LRCH3: variants seen among roughly 807,000 people sequenced by gnomAD.
LRCH3 encodes leucine rich repeats and calponin homology domain containing 3.
In LRCH3, 68 loss-of-function variants were observed where a neutral mutation model predicts 104.5. The observed-to-expected ratio is 0.65, with a 90% CI of 0.54 to 0.80. LRCH3 has a LOEUF of 0.80. LRCH3 is among the 30% of genes least tolerant of loss of function. LRCH3 has a pLI of 0.00. For synonymous variants in LRCH3, 344 were observed against 361.3 expected (o/e 0.95, Z 0.54); for missense variants, 951 against 953.9 (o/e 1.00, Z 0.04).
intron 15 of LRCH3, 86 bp downstream of exon 15, chr3:197,858,991 A>G (rs1050338192): frequency 1.2e-5 from 11 of 917,080 alleles, no homozygotes; most frequent in African/African-American, 4.9e-5. Flanking sequence ...TGATCTAACA[A>G]TCTGAAATAT....
At chr3:197,878,582 C>G (rs903796190) in intron 20 of LRCH3, among the ~76,000 whole-genome samples, 4 of 152,196 alleles carry the variant, frequency 2.6e-5, no homozygotes, top group Non-Finnish European at 5.9e-5. Context: ...GCTGCCCCTT[C>G]CTTCTCCCCT....
chr3:197,823,790 C>T (rs76149080), intron 4 of LRCH3, among the ~76,000 whole-genome samples: 68 of 152,180 alleles, frequency 4.5e-4, no homozygotes, highest in African/African-American at 1.5e-3. Flanking sequence ...AGACTGCTGA[C>T]ATATTTCTAA....
At chr3:197,864,610 CAAA>C (rs541948003) in intron 15 of LRCH3, among the ~76,000 whole-genome samples, 1 of 95,762 alleles carries the variant, frequency 1.0e-5, no homozygotes, top group African/African-American at 4.0e-5. Flanking sequence ...AACTCCATCT[CAAA>C]AAAAAAAAAA....
At chr3:197,803,053 G>C (rs1205993274) in intron 1 of LRCH3, among the ~76,000 whole-genome samples, 1 of 152,124 alleles carries the variant, frequency 6.6e-6, no homozygotes, top group African/African-American at 2.4e-5. Context: ...GCTAAGAGTT[G>C]TTTTCTCAAA....
intron 20 of LRCH3, chr3:197,880,684 T>C: frequency 6.5e-7 from 1 of 1,536,804 alleles, no homozygotes; most frequent in Non-Finnish European, 8.7e-7. Flanking sequence ...ACTCTCTGTG[T>C]GCTTTATTAC....
rs1714104722 is a variant in LRCH3 at position 197,885,230 on chromosome 3, G to A, written c.*1564G>A. On this transcript the variant is annotated 3_prime_UTR_variant, in exon 21 of 21. Transcript: ENST00000425562. ...GGCCTGCAGACACATTGCAGTTACA[G>A]CACATACACTTCTAGCTCGGAAAAG... 6.6e-6 allele frequency: 1 copy of A among 152,232 alleles called. No homozygotes were observed. The highest frequency in any genetic ancestry group is 2.4e-5 in the African/African-American group (1 of 41,448). 9.4% of individuals were successfully genotyped at this position (152,232 alleles called of 1,614,324 possible). A position where few individuals can be genotyped will look rare whatever the true frequency, so the allele number is the denominator to read the frequency against.
At chr3:197,841,836 G>GTT (rs1737841171) in intron 10 of LRCH3, among the ~76,000 whole-genome samples, 1 of 151,724 alleles carries the variant, frequency 6.6e-6, no homozygotes, top group Non-Finnish European at 1.5e-5. Context: ...GTTTTGTTTT[G>GTT]TTTTGTTTTG....
chr3:197,871,605 C>T, intron 19 of LRCH3, 143 bp downstream of exon 19: 1 of 1,117,784 alleles, frequency 8.9e-7, no homozygotes, highest in Non-Finnish European at 1.3e-6. Flanking sequence ...CTCACTTCTA[C>T]TCGAGAAGAA....
chr3:197,853,509 G>A (rs1416923213), intron 13 of LRCH3, among the ~76,000 whole-genome samples: 2 of 152,042 alleles, frequency 1.3e-5, no homozygotes, highest in Non-Finnish European at 2.9e-5. Context: ...TTTAATTTAT[G>A]ATCATTACCT....
intron 20 of LRCH3, among the ~76,000 whole-genome samples, chr3:197,880,020 A>G (rs9758427): frequency 6.8e-5 from 10 of 146,736 alleles, no homozygotes; most frequent in South Asian, 2.1e-4. Context: ...ATCTCGGCTC[A>G]CTGCAAGCTC....
chr3:197,872,939 G>T (rs552449887), intron 19 of LRCH3, among the ~76,000 whole-genome samples: 34 of 152,292 alleles, frequency 2.2e-4, no homozygotes, highest in African/African-American at 8.2e-4. Flanking sequence ...TAACAAGCCG[G>T]GACTAAAGCC....
intron 1 of LRCH3, among the ~76,000 whole-genome samples, chr3:197,797,859 CAAAAAAAAA>C (rs749696923): frequency 2.6e-4 from 6 of 23,204 alleles, no homozygotes; most frequent in African/African-American, 4.9e-4. Context: ...GACTCCATCT[CAAAAAAAAA>C]AAAAACAAAA....
In LRCH3 at chr3:197,847,383, T is replaced by C. The variant is rs73892123; in HGVS notation, c.1329-26T>C. On this transcript the variant is annotated intron_variant, in intron 10 of 20. Coordinates refer to ENST00000425562, the MANE Select transcript of LRCH3 (RefSeq NM_001365715.1). ...TTGTCTTTTTATCAAAGAGTTTTTT[T>C]CTTTCTTTTTTCTTTTTTGGGTCAG... 1.4e-3 allele frequency: 2,210 copies of C among 1,566,442 alleles called. 13 individuals carry two copies. The highest frequency in any genetic ancestry group is 0.012 in the African/African-American group (843 of 71,906).
chr3:197,824,851 T>G (rs959375668), intron 4 of LRCH3, among the ~76,000 whole-genome samples: 5 of 151,906 alleles, frequency 3.3e-5, no homozygotes, highest in Admixed American at 6.6e-5. Flanking sequence ...ATTACAGGCG[T>G]GAGCCACTGC....
At chr3:197,869,031 A>G (rs1157927177) in intron 17 of LRCH3, among the ~76,000 whole-genome samples, 1 of 152,256 alleles carries the variant, frequency 6.6e-6, no homozygotes, top group African/African-American at 2.4e-5. Flanking sequence ...CAACTGGGTA[A>G]TGAACATTAC....
chr3:197,791,288 G>A lies in LRCH3; in HGVS notation c.10G>A (p.Ala4Thr), dbSNP rs1255273525. MAA[A>T]GLVAVAAAAE... ...TGTTGTCGGCTGGGAAATGGCGGCCGCGGGCTTGGTCGCTGTGGCAGCGGC... is the reference window on the plus strand; with the variant it reads ...TGTTGTCGGCTGGGAAATGGCGGCCACGGGCTTGGTCGCTGTGGCAGCGGC... Residue 4 changes from alanine (A) to threonine (T), a missense_variant, in exon 1 of 21, where the codon GCG becomes ACG. Ala to Thr is a moderately conservative substitution (Grantham distance 58). Transcript: ENST00000425562. 7.5e-6 allele frequency: 12 copies of A among 1,607,994 alleles called. No individual in the cohort carries two copies. The highest frequency in any genetic ancestry group is 1.3e-5 in the African/African-American group (1 of 74,528).
chr3:197,836,246 A>G (rs1359116784), intron 9 of LRCH3, among the ~76,000 whole-genome samples: 2 of 152,256 alleles, frequency 1.3e-5, no homozygotes, highest in African/African-American at 4.8e-5. Flanking sequence ...AGACTTAACC[A>G]TAGAATTTTT....
Position 197,791,546 on chromosome 3 carries a change from C to G in LRCH3, c.262+6C>G. ...GACGGACACCACCCGGGCGGGTGAG[C>G]GGGGCGGGGGGCGTCTCTGCCCGTC... On this transcript the variant is annotated splice_donor_region_variant and intron_variant, in intron 1 of 20. Coordinates refer to ENST00000425562, the MANE Select transcript of LRCH3 (RefSeq NM_001365715.1). The G allele has an allele frequency of 6.4e-7, 1 of 1,562,098 alleles. No homozygotes were observed. Among genetic ancestry groups the G allele is most frequent in the South Asian group, 1.2e-5 (1 of 85,362 alleles).
At chr3:197,791,964 G>A (rs1045640563) in intron 1 of LRCH3, among the ~76,000 whole-genome samples, 1 of 152,136 alleles carries the variant, frequency 6.6e-6, no homozygotes. Flanking sequence ...GCATTGTCAG[G>A]AAGGGTCGGT....
Sources: allele counts gnomAD v4.1 joint callset (sites outside exome capture counted in the v4.1 genomes callset), GRCh38; gene constraint gnomAD v4.1.1; transcripts MANE v1.5; gene names NCBI Gene and HGNC (gene_info 2026-07-23, HGNC 2026-07-21).